INSL6: variants seen among roughly 807,000 people sequenced by gnomAD.
INSL6 encodes insulin like 6.
A neutral mutation model predicts 9.4 loss-of-function variants in INSL6; 16 were observed. That is an observed-to-expected ratio of 1.70 (90% CI 1.15 to 2.59). The LOEUF (loss-of-function observed/expected upper bound fraction) is 2.59. INSL6 is among the 30% of genes most tolerant of loss of function. INSL6 has a pLI of 0.00. For missense variants in INSL6, 391 were observed against 257.3 expected (o/e 1.52, Z -3.56); for synonymous variants, 154 against 96.9 (o/e 1.59, Z -3.46).
At chr9:5,176,142 T>G (rs1825304293) in intron 1 of INSL6, among the ~76,000 whole-genome samples, 1 of 152,194 alleles carries the variant, frequency 6.6e-6, no homozygotes, top group Non-Finnish European at 1.5e-5. Context: ...TTGGACTCTT[T>G]GCTACTCCCT....
At chr9:5,090,730 T>C in the INSL6 span, 2 of 1,576,938 alleles carry the variant, frequency 1.3e-6, no homozygotes, top group East Asian at 2.2e-5. Context: ...AAAAATGTTT[T>C]ATCCATAGGG....
At chr9:5,085,774 TATG>T in the INSL6 span, 1 of 754,288 alleles carries the variant, frequency 1.3e-6, no homozygotes, top group East Asian at 2.5e-5. Context: ...CGGGAGTTAT[TATG>T]ATGAATATTA....
At chr9:5,045,082 C>T in the INSL6 span, among the ~76,000 whole-genome samples, 7 of 152,140 alleles carry the variant, frequency 4.6e-5, no homozygotes, top group Non-Finnish European at 8.8e-5. Context: ...TTTCATAATG[C>T]TTTCTTCTCT....
the INSL6 span, among the ~76,000 whole-genome samples, chr9:5,047,971 T>G: frequency 6.6e-6 from 1 of 152,178 alleles, no homozygotes. Context: ...AGGAATAGTA[T>G]TTATTATGTT....
chr9:5,154,164 T>C (rs10123322), intron 2 of INSL6, among the ~76,000 whole-genome samples: 56,190 of 151,944 alleles, frequency 0.37, 11,501 homozygotes, highest in African/African-American at 0.56. Flanking sequence ...TCAGAAATAA[T>C]ACCACACATC....
chr9:5,123,711 T>G (rs754851476), downstream of INSL6, among the ~76,000 whole-genome samples: 5 of 151,928 alleles, frequency 3.3e-5, no homozygotes, highest in African/African-American at 7.2e-5. Flanking sequence ...TATTTAGGTC[T>G]CTGAGAAATC....
At chr9:5,006,467 A>G in the INSL6 span, among the ~76,000 whole-genome samples, 2 of 152,126 alleles carry the variant, frequency 1.3e-5, no homozygotes, top group African/African-American at 4.8e-5. Context: ...TTGTTCTCAT[A>G]TTGCTATAAA....
the INSL6 span, among the ~76,000 whole-genome samples, chr9:5,102,262 G>C: frequency 6.6e-6 from 1 of 152,254 alleles, no homozygotes; most frequent in South Asian, 2.1e-4. Context: ...TTCACTAGCC[G>C]ACTTGATCAA....
At chr9:5,158,812 A>C (rs1326182264) in intron 2 of INSL6, among the ~76,000 whole-genome samples, 1 of 152,230 alleles carries the variant, frequency 6.6e-6, no homozygotes, top group Non-Finnish European at 1.5e-5. Flanking sequence ...TGAACATACA[A>C]CACTAACTGG....
the INSL6 span, among the ~76,000 whole-genome samples, chr9:4,998,254 G>T: frequency 6.6e-6 from 1 of 151,944 alleles, no homozygotes; most frequent in African/African-American, 2.4e-5. Flanking sequence ...AACTCCAACG[G>T]GTTTTTTTGT....
chr9:5,085,357 T>G, the INSL6 span: 5 of 900,736 alleles, frequency 5.6e-6, no homozygotes, highest in Admixed American at 1.7e-5. Flanking sequence ...TTTTCCGTAC[T>G]GATAGGTGAT....
At chr9:5,147,750 T>G (rs996207534) in intron 2 of INSL6, among the ~76,000 whole-genome samples, 14 of 152,260 alleles carry the variant, frequency 9.2e-5, no homozygotes, top group Non-Finnish European at 1.6e-4. Flanking sequence ...TTTGTTCATT[T>G]TTAATTCTTT....
chr9:5,157,271 A>G (rs912522215), intron 2 of INSL6, among the ~76,000 whole-genome samples: 6 of 152,180 alleles, frequency 3.9e-5, no homozygotes, highest in African/African-American at 7.2e-5. Flanking sequence ...ATGAAAATAC[A>G]AAGGCTCAAC....
chr9:5,082,356 C>T, the INSL6 span, among the ~76,000 whole-genome samples: 9 of 152,244 alleles, frequency 5.9e-5, no homozygotes, highest in African/African-American at 1.9e-4. Flanking sequence ...TGGATGTGCA[C>T]ATAGGCCAGA....
At chr9:5,053,887 A>C in the INSL6 span, among the ~76,000 whole-genome samples, 4 of 152,064 alleles carry the variant, frequency 2.6e-5, no homozygotes, top group African/African-American at 9.7e-5. Context: ...GATTGGAAGA[A>C]AGATTAGCAT....
At chr9:5,039,782 A>C in the INSL6 span, among the ~76,000 whole-genome samples, 13 of 152,172 alleles carry the variant, frequency 8.5e-5, no homozygotes, top group Non-Finnish European at 1.5e-5. Flanking sequence ...TGTAAAATGT[A>C]TACACTGAGA....
At chr9:5,000,897 G>C in the INSL6 span, among the ~76,000 whole-genome samples, 2 of 152,156 alleles carry the variant, frequency 1.3e-5, no homozygotes, top group East Asian at 3.8e-4. Flanking sequence ...CTCACTGTCA[G>C]GTTCTTTCCT....
chr9:5,081,733 C>T, the INSL6 span: 1 of 1,592,712 alleles, frequency 6.3e-7, no homozygotes, highest in Non-Finnish European at 8.6e-7. Flanking sequence ...AGATTATGAA[C>T]TATTAACAGA....
chr9:5,092,989 A>C, the INSL6 span, among the ~76,000 whole-genome samples: 3 of 152,230 alleles, frequency 2.0e-5, no homozygotes, highest in East Asian at 1.9e-4. Flanking sequence ...CAATTAAGAA[A>C]GTGTTCAAGC....
Sources: gnomAD v4.1 joint callset for allele counts (sites outside exome capture counted in the v4.1 genomes callset) on GRCh38, gnomAD v4.1.1 for gene constraint, MANE v1.5 for transcripts, NCBI Gene and HGNC (gene_info 2026-07-23, HGNC 2026-07-21) for gene names.